Variants in SIRT6 observed in about 807,000 individuals in gnomAD.
SIRT6 encodes sirtuin 6, also known as NAD-dependent protein deacylase sirtuin-6.
A neutral mutation model predicts 33.6 loss-of-function variants in SIRT6; 21 were observed. The ratio of observed to expected loss-of-function variants is 0.62; its 90% confidence interval spans 0.44 to 0.90. SIRT6 has a LOEUF of 0.90. SIRT6 is among the 40% of genes least tolerant of loss of function. The pLI is 0.00. For synonymous variants in SIRT6, 221 were observed against 223.9 expected, an observed-to-expected ratio of 0.99 and a Z score of 0.12; for missense variants, 504 against 510.6, an observed-to-expected ratio of 0.99 and a Z score of 0.12.
Position 4,175,093 on chromosome 19 carries a change from G to C in SIRT6, c.673C>G (p.Leu225Val). Residue 225 changes from leucine to valine, a missense_variant, in exon 7 of 8, where the codon CTG becomes GTG. Physicochemically the swap from Leu to Val is conservative, Grantham distance 32. Transcript: ENST00000337491. ...CCCCGGCGCTTGGTAGCCAGCGGCA[G>C]GTTCCCGCTGGGCCGGATCTGCAGC... ...TSLQIRPSGN[L>V]PLATKRRGGR... 1.3e-6 allele frequency: 2 copies of C among 1,584,260 alleles called. No individual in the cohort carries two copies. The highest frequency in any genetic ancestry group is 1.7e-6 in the Non-Finnish European group (2 of 1,166,710).
chr19:4,181,033 G>C, intron 1 of SIRT6, 124 bp from the exon 2 acceptor site: 1 of 1,295,748 alleles, frequency 7.7e-7, no homozygotes, highest in South Asian at 1.5e-5. Context: ...GGAAAAGGCA[G>C]CTTGTCCTCA....
chr19:4,180,158 A>G (rs893677465), intron 2 of SIRT6, among the ~76,000 whole-genome samples: 3 of 124,114 alleles, frequency 2.4e-5, no homozygotes, highest in African/African-American at 9.5e-5. Flanking sequence ...AGGCTGGAGT[A>G]CAATGGCATG....
At position 4,174,959 on chromosome 19, in the gene SIRT6, G is replaced by C. The variant is rs201006797; in HGVS notation, c.739-13C>G. ...CAGCATGGCGGTCCTGCCGAGGGGC[G>C]GGACGGGTCAGGCGTGGGGGACAGA... On this transcript the variant is annotated splice_polypyrimidine_tract_variant and intron_variant, in intron 7 of 7. Coordinates refer to ENST00000337491, the MANE Select transcript of SIRT6 (RefSeq NM_016539.4). The surrounding 1 kb of genome is among the most constrained non-coding windows in gnomAD (Gnocchi z 4.2). The C allele has an allele frequency of 1.2e-6, 2 of 1,609,576 alleles. No homozygotes were observed. The highest frequency in any genetic ancestry group is 1.7e-6 in the Non-Finnish European group (2 of 1,179,004).
intron 2 of SIRT6, 188 bp from the exon 3 acceptor site, chr19:4,179,474 G>A (rs1241446945): frequency 3.2e-6 from 2 of 622,188 alleles, no homozygotes; most frequent in Non-Finnish European, 2.8e-6. Context: ...GGGAGAGGGG[G>A]ATAGAACAAG....
At chr19:4,182,349 TG>T in intron 1 of SIRT6, 124 bp downstream of exon 1, 1 of 984,478 alleles carries the variant, frequency 1.0e-6, no homozygotes. Flanking sequence ...CCTTCCTCAC[TG>T]GGAAGTCCCT....
At chr19:4,178,147 C>A (rs1297978476) in intron 3 of SIRT6, among the ~76,000 whole-genome samples, 1 of 151,948 alleles carries the variant, frequency 6.6e-6, no homozygotes, top group Non-Finnish European at 1.5e-5. Context: ...CTGACTCAGC[C>A]TCCCGAGTAG....
At chr19:4,182,241 G>A in intron 1 of SIRT6, 2 of 509,078 alleles carry the variant, frequency 3.9e-6, no homozygotes, top group Non-Finnish European at 6.9e-6. Flanking sequence ...CCCTCTTCCT[G>A]GAACTACATC....
chr19:4,179,101 T>C lies in SIRT6; in HGVS notation c.377+3A>G. On this transcript the variant is annotated splice_donor_region_variant and intron_variant, in intron 3 of 7. Coordinates refer to ENST00000337491, the MANE Select transcript of SIRT6 (RefSeq NM_016539.4). ...TTTTGTGGGGGCGGGGCCAGGGTGT[T>C]ACCTGGGGAAGCCTGAGCGCACATG... 6.2e-7 allele frequency: 1 copy of C among 1,611,576 alleles called. No individual in the cohort carries two copies. The highest frequency in any genetic ancestry group is 8.5e-7 in the Non-Finnish European group (1 of 1,179,764).
chr19:4,180,894 C>G lies in SIRT6; in HGVS notation c.82G>C (p.Glu28Gln). ...CGLPEIFDPP[E>Q]ELERKVWELA... The stretch of plus-strand genomic sequence containing the variant: ...TCCCACACCTTCCGCTCCAGCTCCT[C>G]CGGGGGGTCGAAGATCTGTGGGGGG... The change falls in exon 2 of 8, where the codon GAG becomes CAG. Residue 28 changes from glutamate to glutamine, a missense_variant. Glu to Gln is a conservative substitution (Grantham distance 29). Transcript: ENST00000337491. The G allele has an allele frequency of 6.2e-7, 1 of 1,612,212 alleles. No individual in the cohort carries two copies. Among genetic ancestry groups the G allele is most frequent in the Non-Finnish European group, 8.5e-7 (1 of 1,179,238 alleles).
Position 4,175,927 on chromosome 19 carries a change from G to C in SIRT6, c.448C>G (p.Arg150Gly), listed in dbSNP as rs202115273. 2 of 1,566,550 alleles carry C rather than the reference G, an allele frequency of 1.3e-6. No homozygotes were observed. The highest frequency in any genetic ancestry group is 1.7e-6 in the Non-Finnish European group (2 of 1,155,936). ...ECAKCKTQYVRDTVVGTMGLK... is the reference protein window; with the variant it reads ...ECAKCKTQYVGDTVVGTMGLK... ...CCCATGGTGCCCACGACTGTGTCTC[G>C]GACGTACTGCCTGTGTCAGGGAGGA... The change falls in exon 5 of 8, where the codon CGA (arginine) becomes GGA (glycine). Residue 150 changes from arginine to glycine, a missense_variant. Transcript: ENST00000337491.
At chr19:4,177,526 C>G (rs533109643) in intron 3 of SIRT6, among the ~76,000 whole-genome samples, 1 of 151,948 alleles carries the variant, frequency 6.6e-6, no homozygotes, top group Non-Finnish European at 1.5e-5. Flanking sequence ...CATTGAATGG[C>G]CCTGAAGCAT....
In SIRT6 at chr19:4,174,701, G is replaced by C. The variant is rs201781679; in HGVS notation, c.984C>G (p.Pro328=). 1 of 1,463,872 alleles carries C rather than the reference G, an allele frequency of 6.8e-7. No homozygotes were observed. Among genetic ancestry groups the C allele is most frequent in the South Asian group, 1.4e-5 (1 of 69,702 alleles). 90.7% of individuals were successfully genotyped at this position (1,463,872 alleles called of 1,614,324 possible). A position where few individuals can be genotyped will look rare whatever the true frequency, so the allele number is the denominator to read the frequency against. ...TGGGCCGCTCCCGTTTGGGGCTGGC[G>C]GGCTCTGAGCCGTTGTGCTGGGCGC... ...EPCAQHNGSE[P]ASPKRERPTS... The change falls in exon 8 of 8, where the codon CCC becomes CCG. Residue 328 remains proline (P), a synonymous_variant. Transcript: ENST00000337491. The surrounding 1 kb of genome is among the most constrained non-coding windows in gnomAD (Gnocchi z 4.2).
Position 4,174,441 on chromosome 19 carries a change from C to T in SIRT6, c.*176G>A. ...GTGTGGCTTCTTCCCGGAACCGCAC[C>T]AGAGGCCCCTGGAGCCCAGGGAGGG... On this transcript the variant is annotated 3_prime_UTR_variant, in exon 8 of 8. Coordinates refer to ENST00000337491, the MANE Select transcript of SIRT6 (RefSeq NM_016539.4). This position sits in a 1 kb window ranked among gnomAD's most constrained non-coding sequence, Gnocchi z 4.2. 1 of 522,336 alleles carries T rather than the reference C, an allele frequency of 1.9e-6. No homozygotes were observed. Among genetic ancestry groups the T allele is most frequent in the Non-Finnish European group, 3.1e-6 (1 of 318,076 alleles). 32.4% of individuals were successfully genotyped at this position (522,336 alleles called of 1,614,324 possible).
chr19:4,179,664 C>T (rs1464306214), intron 2 of SIRT6, among the ~76,000 whole-genome samples: 8 of 152,226 alleles, frequency 5.3e-5, no homozygotes, highest in African/African-American at 1.9e-4. Flanking sequence ...GGGCCCAAGC[C>T]CTGCCCTCCA....
rs534630004 is a variant in SIRT6, at chr19:4,179,057, T to C, written c.377+47A>G. 8.8e-6 allele frequency: 14 copies of C among 1,598,972 alleles called. No homozygotes were observed. The East Asian group carries it at 2.9e-4, about 33-fold the overall frequency. ...TCTCCCCCTAAAAATGCAAACACGG[T>C]TTGTGGGGCCCCAAGCTCTTTTGTG... On this transcript the variant is annotated intron_variant, in intron 3 of 7. Coordinates refer to ENST00000337491, the MANE Select transcript of SIRT6 (RefSeq NM_016539.4).
At position 4,177,061 on chromosome 19, in the gene SIRT6, C is replaced by A. The variant is rs200456780; in HGVS notation, c.437+18G>T. The A allele has an allele frequency of 6.2e-7, 1 of 1,612,044 alleles. No homozygotes were observed. The highest frequency in any genetic ancestry group is 1.1e-5 in the South Asian group (1 of 90,836). ...CCCTCTGGCAGAGCCCCCACCCCTG[C>A]ACCCAGGTGGCACTCACGTCTTACA... On this transcript the variant is annotated intron_variant, in intron 4 of 7. Transcript: ENST00000337491.
At position 4,174,975 on chromosome 19, in the gene SIRT6, G is replaced by A. The variant is rs750346270; in HGVS notation, c.739-29C>T. The A allele has an allele frequency of 1.2e-5, 19 of 1,608,508 alleles. No homozygotes were observed. In the African/African-American group the frequency reaches 2.3e-4, roughly 19 times the overall value. On this transcript the variant is annotated intron_variant, in intron 7 of 7. Coordinates refer to ENST00000337491, the MANE Select transcript of SIRT6 (RefSeq NM_016539.4). This position sits in a 1 kb window ranked among gnomAD's most constrained non-coding sequence, Gnocchi z 4.2. ...CCGAGGGGCGGGACGGGTCAGGCGT[G>A]GGGGACAGAGGGTGCATGGTGGCCC... is the stretch of plus-strand genomic sequence containing the variant.
chr19:4,176,529 C>T (rs940669130), intron 4 of SIRT6, among the ~76,000 whole-genome samples: 3 of 152,102 alleles, frequency 2.0e-5, no homozygotes, highest in Non-Finnish European at 4.4e-5. Flanking sequence ...GCGGAGGTTG[C>T]AGTGAGCCGA....
intron 2 of SIRT6, 190 bp from the exon 3 acceptor site, chr19:4,179,476 T>C (rs1967500374): frequency 3.3e-6 from 2 of 608,008 alleles, no homozygotes; most frequent in Admixed American, 3.1e-5. Flanking sequence ...GAGAGGGGGA[T>C]AGAACAAGAC....
Sources: gnomAD v4.1 joint callset for allele counts (sites outside exome capture counted in the v4.1 genomes callset) on GRCh38, gnomAD v4.1.1 for gene constraint, Gnocchi (gnomAD v3.1) non-coding constraint, MANE v1.5 for transcripts, NCBI Gene and HGNC (gene_info 2026-07-23, HGNC 2026-07-21) for gene names.